Variants in FNDC3B observed in about 807,000 individuals in gnomAD.
FNDC3B encodes the protein fibronectin type III domain containing 3B.
In FNDC3B, 12 loss-of-function variants were observed where a neutral mutation model predicts 151.5. That is an observed-to-expected ratio of 0.08 (90% confidence interval 0.05 to 0.13). The LOEUF is 0.13. Ranked by LOEUF, FNDC3B falls within the 10% of genes least tolerant of loss-of-function variation. The pLI is 1.00. For missense variants in FNDC3B, 1,214 were observed against 1,505.3 expected, an observed-to-expected ratio of 0.81 and a Z score of 3.20; for synonymous variants, 528 against 549.0, an observed-to-expected ratio of 0.96 and a Z score of 0.54.
chr3:172,119,231 A>C (rs904293816), intron 2 of FNDC3B, among the ~76,000 whole-genome samples: 1 of 151,490 alleles, frequency 6.6e-6, no homozygotes, highest in Non-Finnish European at 1.5e-5. Flanking sequence ...TTTAGGAGTG[A>C]CTGAATAATA....
At chr3:172,190,610 T>C (rs939189296) in intron 3 of FNDC3B, among the ~76,000 whole-genome samples, 1 of 152,226 alleles carries the variant, frequency 6.6e-6, no homozygotes, top group African/African-American at 2.4e-5. Context: ...GAGGGGTTTA[T>C]GATTAAATAT....
chr3:172,051,083 C>CTTTTTTT (rs550247058), intron 1 of FNDC3B, among the ~76,000 whole-genome samples: 1 of 137,782 alleles, frequency 7.3e-6, no homozygotes, highest in African/African-American at 2.6e-5. Context: ...TTTCTTTCTT[C>CTTTTTTT]TTTTTTTTTT....
chr3:172,185,879 T>A (rs944755082), intron 3 of FNDC3B, among the ~76,000 whole-genome samples: 1 of 152,306 alleles, frequency 6.6e-6, no homozygotes, highest in Non-Finnish European at 1.5e-5. Flanking sequence ...GTCCAGTAAG[T>A]GTATTGAATT....
At chr3:172,127,352 G>C (rs1311626181) in intron 2 of FNDC3B, among the ~76,000 whole-genome samples, 1 of 152,230 alleles carries the variant, frequency 6.6e-6, no homozygotes, top group Non-Finnish European at 1.5e-5. Context: ...ACCACGCCTA[G>C]TAGAGGGGAG....
intron 1 of FNDC3B, among the ~76,000 whole-genome samples, chr3:172,082,544 C>CT (rs11422046): frequency 0.65 from 98,199 of 152,008 alleles, 31,871 homozygotes; most frequent in East Asian, 0.78. Flanking sequence ...CTAGTTCATT[C>CT]TCCAGCCGTT....
intron 1 of FNDC3B, among the ~76,000 whole-genome samples, chr3:172,094,503 T>G (rs7632281): frequency 0.53 from 80,294 of 152,046 alleles, 21,722 homozygotes; most frequent in Admixed American, 0.6. Context: ...TTTTAAGGAA[T>G]GTATCCATAA....
At chr3:172,131,358 A>AC (rs1442412304) in intron 2 of FNDC3B, among the ~76,000 whole-genome samples, 1 of 151,058 alleles carries the variant, frequency 6.6e-6, no homozygotes, top group Non-Finnish European at 1.5e-5. Flanking sequence ...GCGCCATTGC[A>AC]CTCCATCCTG....
intron 11 of FNDC3B, among the ~76,000 whole-genome samples, chr3:172,312,054 T>C (rs1341150939): frequency 1.3e-5 from 2 of 152,142 alleles, no homozygotes; most frequent in Non-Finnish European, 2.9e-5. Flanking sequence ...TGACTTAAAT[T>C]TGGAGAGATT....
intron 2 of FNDC3B, among the ~76,000 whole-genome samples, chr3:172,118,099 G>A (rs2124546): frequency 0.72 from 109,384 of 152,090 alleles, 39,435 homozygotes; most frequent in East Asian, 0.77. Flanking sequence ...TTTCCTCTAG[G>A]CAGAATATGT....
rs148488807 is a variant in FNDC3B, at chr3:172,276,379, G to T, written c.791-9547G>T. ...TTAGTGTCCAAAAAATAATGATGGT[G>T]GTGGAGTGTAGCAGATTTTAACACA... On this transcript the variant is annotated intron_variant, in intron 6 of 25. Transcript: ENST00000415807. Among the ~76,000 whole-genome samples, 510 of 152,208 alleles carry T rather than the reference G, an allele frequency of 3.4e-3. 1 individual carries two copies. Among genetic ancestry groups the T allele is most frequent in the African/African-American group, 0.012 (483 of 41,526 alleles).
chr3:172,068,454 C>A (rs1251704509), intron 1 of FNDC3B, among the ~76,000 whole-genome samples: 1 of 129,932 alleles, frequency 7.7e-6, no homozygotes, highest in Non-Finnish European at 1.6e-5. Flanking sequence ...GATGGGGTCT[C>A]ACTCTGTCTC....
chr3:172,043,139 A>C (rs1186704269), intron 1 of FNDC3B, among the ~76,000 whole-genome samples: 2 of 151,686 alleles, frequency 1.3e-5, no homozygotes, highest in Non-Finnish European at 2.9e-5. Context: ...CTGGTCACGA[A>C]CTCCTGACTT....
chr3:172,115,423 G>A (rs1345982452), intron 2 of FNDC3B, among the ~76,000 whole-genome samples: 1 of 152,126 alleles, frequency 6.6e-6, no homozygotes, highest in Non-Finnish European at 1.5e-5. Context: ...CAGAGTGTGG[G>A]GCTGCATGAG....
chr3:172,332,597 A>T (rs1732736892), intron 13 of FNDC3B, among the ~76,000 whole-genome samples: 1 of 152,156 alleles, frequency 6.6e-6, no homozygotes, highest in Admixed American at 6.5e-5. Context: ...ATAGAGATAG[A>T]ACTATTGAAT....
At chr3:172,353,481 G>T (rs1260464637) in intron 22 of FNDC3B, among the ~76,000 whole-genome samples, 1 of 152,186 alleles carries the variant, frequency 6.6e-6, no homozygotes, top group Non-Finnish European at 1.5e-5. Flanking sequence ...TTTCTAAAAG[G>T]ATGGCATTGG....
chr3:172,194,851 G>C (rs1307647462), intron 3 of FNDC3B, among the ~76,000 whole-genome samples: 1 of 152,170 alleles, frequency 6.6e-6, no homozygotes, highest in Non-Finnish European at 1.5e-5. Flanking sequence ...ATACCATGGT[G>C]AATGGTTACT....
chr3:172,214,811 T>G (rs1234376989), intron 3 of FNDC3B, among the ~76,000 whole-genome samples: 1 of 152,252 alleles, frequency 6.6e-6, no homozygotes, highest in African/African-American at 2.4e-5. Flanking sequence ...TAAAATGCCC[T>G]TACAGTGTTG....
At chr3:172,315,766 T>C (rs911533950) in intron 11 of FNDC3B, among the ~76,000 whole-genome samples, 1 of 152,088 alleles carries the variant, frequency 6.6e-6, no homozygotes, top group Admixed American at 6.6e-5. Flanking sequence ...GATCAGAAGC[T>C]CCTAAAAAGG....
rs375496863 is a variant in FNDC3B at position 172,203,338 on chromosome 3, G to A, written c.188-23533G>A. Among the ~76,000 whole-genome samples the A allele has an allele frequency of 6.6e-5, 10 of 152,294 alleles. No individual in the cohort carries two copies. The South Asian group carries it at 2.1e-3, about 32-fold the overall frequency. On this transcript the variant is annotated intron_variant, in intron 3 of 25. Coordinates refer to ENST00000415807, the MANE Select transcript of FNDC3B (RefSeq NM_022763.4). ...TTTTGTCAGGTATGTAGGAGCAAGT[G>A]GTCAGATAGCAAATTCATGCCCAAA...
Sources: allele counts gnomAD v4.1 joint callset (sites outside exome capture counted in the v4.1 genomes callset), GRCh38; gene constraint gnomAD v4.1.1; transcripts MANE v1.5; gene names NCBI Gene and HGNC (gene_info 2026-07-23, HGNC 2026-07-21).